The following FGB variants were observed in gnomAD, a reference collection of about 807,000 sequenced individuals.
The protein encoded by FGB is fibrinogen beta chain, also known as beta-fibrinogen.
A neutral mutation model predicts 57.9 loss-of-function variants in FGB; 25 were observed. That is an observed-to-expected ratio of 0.43 (90% CI 0.31 to 0.60). The LOEUF (loss-of-function observed/expected upper bound fraction) is 0.60, where lower values mean the gene tolerates loss of function less well. Among genes scored for constraint, FGB ranks in the 20% least tolerant of loss-of-function variants. FGB has a pLI of 0.08. For synonymous variants in FGB, 203 were observed against 199.2 expected (o/e 1.02, Z -0.16); for missense variants, 536 against 598.4 (o/e 0.90, Z 1.09).
rs1730016973 is a variant in FGB at position 154,563,111 on chromosome 4, A to G, written c.93A>G (p.Gln31=). The G allele has an allele frequency of 9.0e-6, 14 of 1,547,052 alleles. No homozygotes were observed. In the East Asian group the frequency reaches 3.3e-4, roughly 36 times the overall value. ...TGTGTGTTTTTCTAGTTAAGTCCCA[A>G]GGTGTCAACGACAATGAGGAGGTGA... The part of the protein sequence containing the change: ...LLLCVFLVKS[Q]GVNDNEEGFF... Residue 31 remains glutamine (Q), a synonymous_variant, in exon 1 of 8, where the codon CAA becomes CAG. Coordinates refer to ENST00000302068, the MANE Select transcript of FGB (RefSeq NM_005141.5).
chr4:154,565,675 C>T (rs764684828), intron 1 of FGB, 133 bp from the exon 2 acceptor site: 48 of 884,522 alleles, frequency 5.4e-5, no homozygotes, highest in Admixed American at 7.0e-5. Flanking sequence ...CTATCACCAA[C>T]CAGCCAGTTG....
rs571624045 is a variant in FGB at position 154,565,914 on chromosome 4, G to A, written c.221G>A (p.Arg74His). Residue 74 changes from arginine (R) to histidine (H), a missense_variant, in exon 2 of 8, where the codon CGT (arginine) becomes CAT (histidine). Arg to His is a conservative substitution (Grantham distance 29). Around this residue, in one of 3 missense-constraint regions of FGB, gnomAD observed 354 missense variants for 383.4 expected, o/e 0.92. Coordinates refer to ENST00000302068, the MANE Select transcript of FGB (RefSeq NM_005141.5). ...ATCAGTGGAGGTGGCTATCGGGCTC[G>A]TCCAGCCAAAGCAGCTGCCACTCAA... is the stretch of plus-strand genomic sequence containing the variant. ...PPISGGGYRA[R>H]PAKAAATQKK... The A allele has an allele frequency of 3.1e-6, 5 of 1,614,038 alleles. No individual in the cohort carries two copies. The highest frequency in any genetic ancestry group is 2.7e-5 in the African/African-American group (2 of 75,034).
chr4:154,564,135 T>C (rs1324340334), intron 1 of FGB, among the ~76,000 whole-genome samples: 1 of 152,018 alleles, frequency 6.6e-6, no homozygotes, highest in Admixed American at 6.6e-5. Context: ...TGTAAAGTAC[T>C]CTGCAAAGCA....
chr4:154,566,953 T>C (rs1472404467), intron 3 of FGB, among the ~76,000 whole-genome samples: 1 of 152,096 alleles, frequency 6.6e-6, no homozygotes, highest in Non-Finnish European at 1.5e-5. Context: ...ATTTACAGAG[T>C]GGAAAAAAAC....
At chr4:154,567,562 T>C in intron 3 of FGB, 31 bp from the exon 4 acceptor site, 1 of 1,400,154 alleles carries the variant, frequency 7.1e-7, no homozygotes. Flanking sequence ...GCAAAAATGC[T>C]AACTATTTCT....
At chr4:154,567,928 T>C (rs1730233039) in intron 4 of FGB, 108 bp downstream of exon 4, 4 of 865,612 alleles carry the variant, frequency 4.6e-6, no homozygotes, top group Admixed American at 3.5e-5. Flanking sequence ...TCCCAACAGA[T>C]CATAATGACA....
chr4:154,569,679 A>G lies in FGB; in HGVS notation c.1124A>G (p.Tyr375Cys), dbSNP rs1282469317. The change falls in exon 7 of 8, where the codon TAC (tyrosine) becomes TGC (cysteine). Residue 375 changes from tyrosine to cysteine, a missense_variant. Physicochemically the swap from Tyr to Cys is radical, Grantham distance 194. Coordinates refer to ENST00000302068, the MANE Select transcript of FGB (RefSeq NM_005141.5). ...AAATACCAGATCTCAGTGAACAAAT[A>G]CAGAGGAACAGCCGGTAATGCCCTC... ...ANKYQISVNK[Y>C]RGTAGNALMD... 6.2e-7 allele frequency: 1 copy of G among 1,614,026 alleles called. No homozygotes were observed. The highest frequency in any genetic ancestry group is 1.7e-5 in the Admixed American group (1 of 59,990).
At chr4:154,570,306 A>C (rs1208532331) in intron 7 of FGB, 113 bp from the exon 8 acceptor site, 2 of 789,570 alleles carry the variant, frequency 2.5e-6, no homozygotes, top group African/African-American at 3.4e-5. Flanking sequence ...TATAGCACCC[A>C]AAGGAAAGAC....
chr4:154,566,599 G>T lies in FGB; in HGVS notation c.417G>T (p.Gln139His). Residue 139 changes from glutamine to histidine, a missense_variant, in exon 3 of 8, where the codon CAG becomes CAT. By Grantham distance (24) the Gln-to-His change is conservative. Transcript: ENST00000302068. Reference protein sequence around the residue: ...ELNNNVEAVSQTSSSSFQYMY... With the variant: ...ELNNNVEAVSHTSSSSFQYMY... ...ATAACAATGTGGAAGCTGTTTCCCA[G>T]ACCTCCTCTTCTTCCTTTCAGTACA... 6.2e-7 allele frequency: 1 copy of T among 1,614,112 alleles called. No individual in the cohort carries two copies. The highest frequency in any genetic ancestry group is 8.5e-7 in the Non-Finnish European group (1 of 1,179,998).
Position 154,565,817 on chromosome 4 carries a change from A to G in FGB, c.124A>G (p.Ser42Gly), listed in dbSNP as rs1730130853. The G allele has an allele frequency of 6.2e-7, 1 of 1,614,180 alleles. No homozygotes were observed. Among genetic ancestry groups the G allele is most frequent in the South Asian group, 1.1e-5 (1 of 91,086 alleles). ...GVNDNEEGFF[S>G]ARGHRPLDKK... The stretch of plus-strand genomic sequence containing the variant: ...GCCTCATTCCTTGTAGGGTTTCTTC[A>G]GTGCCCGTGGTCATCGACCCCTTGA... The change falls in exon 2 of 8, where the codon AGT becomes GGT. Residue 42 changes from serine (S) to glycine (G), a missense_variant. Physicochemically the swap from Ser to Gly is moderately conservative, Grantham distance 56 (BLOSUM62 0). Transcript: ENST00000302068.
At chr4:154,563,761 A>G (rs1289220080) in intron 1 of FGB, among the ~76,000 whole-genome samples, 1 of 151,970 alleles carries the variant, frequency 6.6e-6, no homozygotes, top group African/African-American at 2.4e-5. Context: ...TTTGTCCTCA[A>G]CTATTATTTT....
At position 154,570,853 on chromosome 4, in the gene FGB, A is replaced by G. The variant is rs1200891223; in HGVS notation, c.*203A>G. On this transcript the variant is annotated 3_prime_UTR_variant, in exon 8 of 8. Transcript: ENST00000302068. ...TCTTCATTTCTCTTGCTCACCAAGA[A>G]GTAACAAAAGTATAGTTTTGACAGA... The G allele has an allele frequency of 1.7e-6, 1 of 604,206 alleles. No homozygotes were observed. The highest frequency in any genetic ancestry group is 3.0e-6 in the Non-Finnish European group (1 of 336,192). 37.4% of individuals were successfully genotyped at this position (604,206 alleles called of 1,614,324 possible). A position where few individuals can be genotyped will look rare whatever the true frequency, so the allele number is the denominator to read the frequency against.
At chr4:154,567,504 A>C in intron 3 of FGB, 89 bp from the exon 4 acceptor site, 1 of 800,722 alleles carries the variant, frequency 1.2e-6, no homozygotes, top group Non-Finnish European at 2.2e-6. Context: ...TTAATAGTTT[A>C]TTCTCAGAAA....
Position 154,566,524 on chromosome 4 carries a change from G to T in FGB, c.342G>T (p.Glu114Asp). Residue 114 changes from glutamate to aspartate, a missense_variant, in exon 3 of 8, where the codon GAG becomes GAT. By Grantham distance (45) the Glu-to-Asp change is conservative (BLOSUM62 2). Around this residue, in one of 3 missense-constraint regions of FGB, gnomAD observed 354 missense variants for 383.4 expected, o/e 0.92. Transcript: ENST00000302068. The part of the protein sequence containing the change: ...VLCPTGCQLQ[E>D]ALLQQERPIR... ...GTCCTACAGGATGTCAGTTGCAAGA[G>T]GCTTTGCTACAACAGGAAAGGCCAA... is the stretch of plus-strand genomic sequence containing the variant. The T allele has an allele frequency of 6.2e-7, 1 of 1,614,098 alleles. No individual in the cohort carries two copies. Among genetic ancestry groups the T allele is most frequent in the South Asian group, 1.1e-5 (1 of 91,086 alleles).
chr4:154,567,935 G>A (rs1205879646), intron 4 of FGB, 115 bp downstream of exon 4: 2 of 823,344 alleles, frequency 2.4e-6, no homozygotes, highest in African/African-American at 1.7e-5. Flanking sequence ...AGATCATAAT[G>A]ACATTACAGT....
chr4:154,565,235 T>C, intron 1 of FGB: 1 of 462,282 alleles, frequency 2.2e-6, no homozygotes, highest in Middle Eastern at 3.3e-4. Context: ...GTCTCATAGC[T>C]GTAAGTCAAC....
chr4:154,569,683 A>G lies in FGB; in HGVS notation c.1128A>G (p.Arg376=), dbSNP rs749738413. 33 of 1,614,150 alleles carry G rather than the reference A, an allele frequency of 2.0e-5. No individual in the cohort carries two copies. The highest frequency in any genetic ancestry group is 2.3e-5 in the Non-Finnish European group (27 of 1,180,004). The change falls in exon 7 of 8, where the codon AGA becomes AGG. Residue 376 remains arginine, a synonymous_variant. Coordinates refer to ENST00000302068, the MANE Select transcript of FGB (RefSeq NM_005141.5). ...NKYQISVNKY[R]GTAGNALMDG... ...ACCAGATCTCAGTGAACAAATACAG[A>G]GGAACAGCCGGTAATGCCCTCATGG...
In FGB at chr4:154,569,697, A is replaced by G. The variant is rs1730334797; in HGVS notation, c.1142A>G (p.Asn381Ser). 1 of 1,614,168 alleles carries G rather than the reference A, an allele frequency of 6.2e-7. No homozygotes were observed. The highest frequency in any genetic ancestry group is 8.5e-7 in the Non-Finnish European group (1 of 1,180,016). Residue 381 changes from asparagine to serine, a missense_variant, in exon 7 of 8, where the codon AAT becomes AGT. Transcript: ENST00000302068. The stretch of plus-strand genomic sequence containing the variant: ...AACAAATACAGAGGAACAGCCGGTA[A>G]TGCCCTCATGGATGGAGCATCTCAG... ...SVNKYRGTAG[N>S]ALMDGASQLM...
intron 4 of FGB, among the ~76,000 whole-genome samples, 159 bp from the exon 5 acceptor site, chr4:154,568,222 A>G (rs1730253102): frequency 6.6e-6 from 1 of 152,226 alleles, no homozygotes; most frequent in African/African-American, 2.4e-5. Flanking sequence ...TGGACTTACT[A>G]AAGTAAAATG....
Sources: gnomAD v4.1 joint callset for allele counts (sites outside exome capture counted in the v4.1 genomes callset) on GRCh38, gnomAD v4.1.1 for gene constraint, gnomAD v4.1.1 regional missense constraint, MANE v1.5 for transcripts, NCBI Gene and HGNC (gene_info 2026-07-23, HGNC 2026-07-21) for gene names.